MAST4: variants seen among roughly 807,000 people sequenced by gnomAD.
The protein encoded by MAST4 is microtubule-associated serine/threonine-protein kinase 4.
MAST4 carries 89 observed loss-of-function variants against 162.7 expected under a neutral mutation model. That is an observed-to-expected ratio of 0.55 (90% CI 0.46 to 0.65). MAST4 has a LOEUF of 0.65. Ranked by LOEUF, MAST4 falls within the 30% of genes least tolerant of loss-of-function variation. The probability of loss-of-function intolerance (pLI) is 0.00; values close to 1 mark genes in which losing one functional copy is unlikely to be tolerated. For synonymous variants in MAST4, 1,479 were observed against 1,361.1 expected (o/e 1.09, Z -1.91); for missense variants, 3,153 against 3,374.0 (o/e 0.93, Z 1.62).
At chr5:66,879,318 A>G (rs1342375586) in intron 3 of MAST4, among the ~76,000 whole-genome samples, 2 of 148,744 alleles carry the variant, frequency 1.3e-5, no homozygotes, top group African/African-American at 5.0e-5. Context: ...TGATATATAT[A>G]TATATATTTT....
chr5:66,728,004 A>G (rs778649109), intron 1 of MAST4, among the ~76,000 whole-genome samples: 4 of 152,270 alleles, frequency 2.6e-5, no homozygotes, highest in South Asian at 4.1e-4. Context: ...CTCTGATCAA[A>G]TAACTCAGGT....
intron 4 of MAST4, among the ~76,000 whole-genome samples, chr5:66,903,201 A>C (rs970622559): frequency 2.0e-5 from 3 of 152,188 alleles, no homozygotes; most frequent in Non-Finnish European, 2.9e-5. Flanking sequence ...TAGTGGAGAG[A>C]ATGAAAGACA....
chr5:67,017,184 G>A (rs1212847785), intron 4 of MAST4, among the ~76,000 whole-genome samples: 1 of 151,976 alleles, frequency 6.6e-6, no homozygotes, highest in African/African-American at 2.4e-5. Flanking sequence ...AACACACAAA[G>A]GACACAAATA....
chr5:67,106,010 T>C (rs1429744100), intron 10 of MAST4, among the ~76,000 whole-genome samples: 1 of 152,206 alleles, frequency 6.6e-6, no homozygotes, highest in Non-Finnish European at 1.5e-5. Flanking sequence ...ACTGGAATAT[T>C]ACTGTATTCA....
chr5:66,948,981 A>G (rs1744361310), intron 4 of MAST4, among the ~76,000 whole-genome samples: 1 of 152,150 alleles, frequency 6.6e-6, no homozygotes. Flanking sequence ...AACATTGCAT[A>G]AAGTCAGATA....
chr5:66,803,729 G>A (rs1285378362), intron 3 of MAST4, among the ~76,000 whole-genome samples: 1 of 151,856 alleles, frequency 6.6e-6, no homozygotes, highest in African/African-American at 2.4e-5. Context: ...TTTGGAGGAG[G>A]GGGTAATTTT....
intron 4 of MAST4, among the ~76,000 whole-genome samples, chr5:66,901,589 G>A (rs979642954): frequency 3.9e-5 from 6 of 152,108 alleles, no homozygotes; most frequent in Non-Finnish European, 8.8e-5. Flanking sequence ...GTAAGAGAAA[G>A]TCTGAATTAC....
chr5:66,647,715 G>A (rs948496811), intron 1 of MAST4, among the ~76,000 whole-genome samples: 1 of 152,090 alleles, frequency 6.6e-6, no homozygotes, highest in Non-Finnish European at 1.5e-5. Context: ...AGCACAGGAA[G>A]TAAATGCTCA....
At chr5:67,143,796 C>G (rs1230500289) in intron 21 of MAST4, among the ~76,000 whole-genome samples, 1 of 152,178 alleles carries the variant, frequency 6.6e-6, no homozygotes, top group African/African-American at 2.4e-5. Context: ...CCATCAAAGA[C>G]AACAATGCCA....
chr5:66,971,358 T>C (rs1318661165), intron 4 of MAST4, among the ~76,000 whole-genome samples: 2 of 152,228 alleles, frequency 1.3e-5, no homozygotes, highest in Non-Finnish European at 2.9e-5. Flanking sequence ...CTGAGCAGCC[T>C]GTGCCTTGTT....
chr5:67,116,600 G>C (rs1047435085), intron 12 of MAST4, among the ~76,000 whole-genome samples: 1 of 151,458 alleles, frequency 6.6e-6, no homozygotes, highest in African/African-American at 2.4e-5. Flanking sequence ...TGGATCACCT[G>C]AGGTCAGGAG....
chr5:66,754,044 C>G (rs1007270192), intron 1 of MAST4, among the ~76,000 whole-genome samples: 2 of 151,872 alleles, frequency 1.3e-5, no homozygotes, highest in African/African-American at 4.8e-5. Context: ...GAACCAAAGA[C>G]AAAAACCACA....
At chr5:66,854,815 A>G (rs978317769) in intron 3 of MAST4, among the ~76,000 whole-genome samples, 1 of 152,104 alleles carries the variant, frequency 6.6e-6, no homozygotes, top group Non-Finnish European at 1.5e-5. Flanking sequence ...ATGCTGCCCT[A>G]TCAGTTAGAA....
rs1432368110 is a variant in MAST4 at position 66,700,780 on chromosome 5, ATTATAT to A, written c.364-58928_364-58923del. 2.9e-3 allele frequency among the ~76,000 whole-genome samples: 334 copies of A among 113,706 alleles called. 1 individual carries two copies. Among genetic ancestry groups the A allele is most frequent in the Non-Finnish European group, 4.4e-3 (255 of 57,850 alleles). The allele number at this position is 113,706 out of a possible 152,430, so 74.6% of individuals were successfully genotyped here. A position where few individuals can be genotyped will look rare whatever the true frequency, so the allele number is the denominator to read the frequency against. On this transcript the variant is annotated intron_variant, in intron 1 of 28. Coordinates refer to ENST00000403625, the MANE Select transcript of MAST4 (RefSeq NM_001164664.2). Reference sequence around the variant, plus strand: ...ATGAGGCTGTGAGATTAAAAAAAAAATTATATATATATATATATATACACACACACA... The same window carrying A: ...ATGAGGCTGTGAGATTAAAAAAAAAAATATATATATATATACACACACACA...
chr5:67,102,377 G>A (rs1765125118), intron 8 of MAST4, 159 bp from the exon 9 acceptor site: 1 of 707,204 alleles, frequency 1.4e-6, no homozygotes, highest in African/African-American at 1.8e-5. Context: ...ATGTATGTGT[G>A]CATGTGTACT....
intron 1 of MAST4, among the ~76,000 whole-genome samples, chr5:66,730,751 CTGTGTGTGTG>C (rs70987138): frequency 4.4e-4 from 66 of 149,238 alleles, no homozygotes; most frequent in African/African-American, 1.5e-3. Context: ...CCTACCTACT[CTGTGTGTGTG>C]TGTGTGTGTG....
At chr5:66,913,599 T>C (rs918178925) in intron 4 of MAST4, among the ~76,000 whole-genome samples, 6 of 152,272 alleles carry the variant, frequency 3.9e-5, no homozygotes, top group Admixed American at 6.5e-5. Context: ...AAATGTTTTC[T>C]CCCAGCCTGT....
chr5:66,918,874 A>G (rs1270674096), intron 4 of MAST4, among the ~76,000 whole-genome samples: 1 of 152,230 alleles, frequency 6.6e-6, no homozygotes, highest in East Asian at 1.9e-4. Flanking sequence ...CTTAGATAAA[A>G]TTGTTTTAAA....
At chr5:66,762,405 C>A (rs910350441) in intron 2 of MAST4, among the ~76,000 whole-genome samples, 1 of 152,100 alleles carries the variant, frequency 6.6e-6, no homozygotes, top group Non-Finnish European at 1.5e-5. Context: ...GCAGCTAGCC[C>A]AGGCAGCTGT....
Sources: allele counts gnomAD v4.1 joint callset (sites outside exome capture counted in the v4.1 genomes callset), GRCh38; gene constraint gnomAD v4.1.1; transcripts MANE v1.5; gene names NCBI Gene and HGNC (gene_info 2026-07-23, HGNC 2026-07-21).